The following NFATC3 variants were observed in gnomAD, a reference collection of about 807,000 sequenced individuals.
NFATC3 encodes nuclear factor of activated T cells 3, also known as nuclear factor of activated T-cells, cytoplasmic 3.
A neutral mutation model predicts 98.6 loss-of-function variants in NFATC3; 46 were observed. The observed-to-expected ratio is 0.47, with a 90% confidence interval of 0.37 to 0.60. The LOEUF (loss-of-function observed/expected upper bound fraction) is 0.60. Among genes scored for constraint, NFATC3 ranks in the 20% least tolerant of loss-of-function variants. NFATC3 has a pLI of 0.00. For synonymous variants in NFATC3, 512 were observed against 472.2 expected (o/e 1.08, Z -1.09); for missense variants, 1,256 against 1,295.5 (o/e 0.97, Z 0.47).
At chr16:68,189,442 A>G (rs1038481674) in intron 8 of NFATC3, 3 of 210,274 alleles carry the variant, frequency 1.4e-5, no homozygotes, top group Non-Finnish European at 2.0e-5. Flanking sequence ...TGTGTTGGCT[A>G]TTTGAGATCT....
At chr16:68,087,486 G>C (rs531002529) in intron 1 of NFATC3, among the ~76,000 whole-genome samples, 3 of 152,136 alleles carry the variant, frequency 2.0e-5, no homozygotes, top group Non-Finnish European at 4.4e-5. Flanking sequence ...AACATCAGCA[G>C]TTTTATTTGT....
At chr16:68,140,309 A>G (rs1450613676) in intron 3 of NFATC3, among the ~76,000 whole-genome samples, 1 of 152,186 alleles carries the variant, frequency 6.6e-6, no homozygotes, top group Non-Finnish European at 1.5e-5. Flanking sequence ...TTATTTGAAG[A>G]TAGTGTCTAG....
intron 3 of NFATC3, among the ~76,000 whole-genome samples, chr16:68,154,842 T>C (rs777328211): frequency 2.0e-5 from 3 of 152,190 alleles, no homozygotes; most frequent in Non-Finnish European, 4.4e-5. Flanking sequence ...TAAACCATCA[T>C]AGGGAATTTG....
chr16:68,100,693 CT>C (rs139223133), intron 1 of NFATC3, among the ~76,000 whole-genome samples: 1,568 of 148,332 alleles, frequency 0.011, 28 homozygotes, highest in African/African-American at 0.036. Context: ...GTATTAACAC[CT>C]TTTTTTTTTA....
chr16:68,173,264 T>C (rs994746681), intron 5 of NFATC3, among the ~76,000 whole-genome samples: 1 of 144,422 alleles, frequency 6.9e-6, no homozygotes, highest in Non-Finnish European at 1.5e-5. Context: ...AGTCTCTGTC[T>C]TTAAAAAAAA....
intron 1 of NFATC3, among the ~76,000 whole-genome samples, chr16:68,096,485 A>G (rs946157277): frequency 2.0e-5 from 3 of 152,220 alleles, no homozygotes; most frequent in Admixed American, 2.0e-4. Flanking sequence ...TTAATCTTTT[A>G]ATTAAGTTTT....
At chr16:68,139,137 A>G (rs1054737030) in intron 3 of NFATC3, among the ~76,000 whole-genome samples, 2 of 152,216 alleles carry the variant, frequency 1.3e-5, no homozygotes, top group Middle Eastern at 3.2e-3. Flanking sequence ...TAAATAAACA[A>G]AACATTAGAA....
At position 68,227,935 on chromosome 16, in the gene NFATC3, G is replaced by A. The variant is rs1203128732; in HGVS notation, c.*1464G>A. On this transcript the variant is annotated 3_prime_UTR_variant, in exon 10 of 10. Coordinates refer to ENST00000346183, the MANE Select transcript of NFATC3 (RefSeq NM_173165.3). ...TATACTTCCATTGATTCAGGAAGCA[G>A]ATTTTTTGAGTGCCTATATGTGAGA... 6.6e-6 allele frequency: 1 copy of A among 152,128 alleles called. No homozygotes were observed. Among genetic ancestry groups the A allele is most frequent in the Non-Finnish European group, 1.5e-5 (1 of 68,034 alleles). 9.4% of individuals were successfully genotyped at this position (152,128 alleles called of 1,614,324 possible).
chr16:68,140,684 G>C (rs958971142), intron 3 of NFATC3, among the ~76,000 whole-genome samples: 1 of 151,572 alleles, frequency 6.6e-6, no homozygotes, highest in African/African-American at 2.4e-5. Context: ...TTACCCAAAA[G>C]TCTGTTGAAA....
chr16:68,192,222 A>ATATATATAT (rs2040442095), intron 9 of NFATC3: 1 of 71,680 alleles, frequency 1.4e-5, no homozygotes, highest in Non-Finnish European at 2.8e-5. Flanking sequence ...AAAAAAAAAA[A>ATATATATAT]AAAAAAAAAT....
chr16:68,140,659 T>A (rs2037704011), intron 3 of NFATC3, among the ~76,000 whole-genome samples: 2 of 152,030 alleles, frequency 1.3e-5, no homozygotes, highest in Admixed American at 6.6e-5. Context: ...TTTTTTTTTT[T>A]AAATTGGAGA....
At position 68,116,341 on chromosome 16, in the gene NFATC3, CT is replaced by C. The variant is rs527994181; in HGVS notation, c.104-5645del. Among the ~76,000 whole-genome samples the C allele has an allele frequency of 2.4e-3, 365 of 152,166 alleles. 1 individual carries two copies. The highest frequency in any genetic ancestry group is 8.1e-3 in the African/African-American group (335 of 41,514). On this transcript the variant is annotated intron_variant, in intron 1 of 9. Coordinates refer to ENST00000346183, the MANE Select transcript of NFATC3 (RefSeq NM_173165.3). Reference sequence around the variant, plus strand: ...TGGTGGGCCAGACTTGGCACATGGACTGTATTTTGCCAACCTCTGCTTCATA... The same window carrying C: ...TGGTGGGCCAGACTTGGCACATGGACGTATTTTGCCAACCTCTGCTTCATA...
chr16:68,130,224 T>G (rs964155824), intron 3 of NFATC3, among the ~76,000 whole-genome samples: 10 of 152,168 alleles, frequency 6.6e-5, no homozygotes, highest in Admixed American at 6.6e-5. Context: ...TTGAGTAACC[T>G]CCATACTGTT....
intron 1 of NFATC3, among the ~76,000 whole-genome samples, chr16:68,105,272 G>T (rs532487412): frequency 1.3e-5 from 2 of 151,786 alleles, no homozygotes; most frequent in African/African-American, 4.8e-5. Flanking sequence ...TGTATTTTTA[G>T]TAGAGACAGG....
chr16:68,152,783 T>G (rs536934502), intron 3 of NFATC3, among the ~76,000 whole-genome samples: 1 of 152,240 alleles, frequency 6.6e-6, no homozygotes, highest in African/African-American at 2.4e-5. Flanking sequence ...GTGAAACTTA[T>G]GTGGAATTCC....
chr16:68,205,904 CT>C (rs11409484), intron 9 of NFATC3, among the ~76,000 whole-genome samples: 35 of 145,396 alleles, frequency 2.4e-4, no homozygotes, highest in Admixed American at 2.8e-4. Context: ...ATCTTTTTTT[CT>C]TTTTTTTTTT....
intron 3 of NFATC3, among the ~76,000 whole-genome samples, chr16:68,129,671 C>CTTTTTTT (rs568596333): frequency 1.6e-5 from 2 of 127,868 alleles, no homozygotes; most frequent in Non-Finnish European, 3.3e-5. Context: ...TGCTCCCCGC[C>CTTTTTTT]TTTTTTTTTT....
At chr16:68,214,023 T>G (rs2041529971) in intron 9 of NFATC3, among the ~76,000 whole-genome samples, 1 of 152,306 alleles carries the variant, frequency 6.6e-6, no homozygotes, top group Admixed American at 6.5e-5. Context: ...ATAGATATAA[T>G]GTAATAAAAA....
intron 9 of NFATC3, among the ~76,000 whole-genome samples, chr16:68,202,364 CTTTTTA>C (rs1254787602): frequency 6.6e-6 from 1 of 151,992 alleles, no homozygotes; most frequent in African/African-American, 2.4e-5. Context: ...AAAGCAGGTG[CTTTTTA>C]AAATCAAGGG....
Sources: gnomAD v4.1 joint callset for allele counts (sites outside exome capture counted in the v4.1 genomes callset) on GRCh38, gnomAD v4.1.1 for gene constraint, MANE v1.5 for transcripts, NCBI Gene and HGNC (gene_info 2026-07-23, HGNC 2026-07-21) for gene names.